XKR6: variants seen among roughly 807,000 people sequenced by gnomAD.
XKR6 encodes XK-related protein 6.
In XKR6, 22 loss-of-function variants were observed where a neutral mutation model predicts 56.7. The ratio of observed to expected loss-of-function variants is 0.39; its 90% CI spans 0.28 to 0.55. XKR6 has a LOEUF of 0.55. Among genes scored for constraint, XKR6 ranks in the 20% least tolerant of loss-of-function variants. The probability of loss-of-function intolerance (pLI) is 0.66; values close to 1 mark genes in which losing one functional copy is unlikely to be tolerated. For missense variants in XKR6, 852 were observed against 889.0 expected (o/e 0.96, Z 0.53); for synonymous variants, 524 against 387.8 (o/e 1.35, Z -4.13).
chr8:11,045,993 G>A (rs534196091), intron 1 of XKR6, among the ~76,000 whole-genome samples: 3 of 152,352 alleles, frequency 2.0e-5, no homozygotes, highest in African/African-American at 7.2e-5. Context: ...TTGAGAGAAT[G>A]TAAAGTGGTG....
chr8:11,103,774 A>T (rs1034909326), intron 1 of XKR6, among the ~76,000 whole-genome samples: 4 of 152,230 alleles, frequency 2.6e-5, no homozygotes, highest in Non-Finnish European at 5.9e-5. Context: ...CAAAACTGCA[A>T]ATCGACACAA....
chr8:10,918,313 C>T (rs1245143457), intron 2 of XKR6, among the ~76,000 whole-genome samples: 2 of 152,204 alleles, frequency 1.3e-5, no homozygotes, highest in East Asian at 3.9e-4. Flanking sequence ...ACCTAAGAGG[C>T]TCTGGAAGAC....
intron 1 of XKR6, among the ~76,000 whole-genome samples, chr8:11,097,112 C>G (rs1207804703): frequency 2.0e-5 from 3 of 152,190 alleles, no homozygotes; most frequent in Non-Finnish European, 4.4e-5. Flanking sequence ...AGTTTGTCAT[C>G]AGCAACAGGA....
At chr8:11,190,064 G>T (rs1276853476) in intron 1 of XKR6, among the ~76,000 whole-genome samples, 1 of 152,064 alleles carries the variant, frequency 6.6e-6, no homozygotes, top group Admixed American at 6.5e-5. Flanking sequence ...GGCTGAGGCA[G>T]AAGAATCACT....
At chr8:11,176,234 C>A (rs1366318786) in intron 1 of XKR6, among the ~76,000 whole-genome samples, 1 of 152,178 alleles carries the variant, frequency 6.6e-6, no homozygotes. Flanking sequence ...AATTGGCCAA[C>A]ATATGCATAA....
chr8:11,000,443 T>C (rs868329926), intron 1 of XKR6, among the ~76,000 whole-genome samples: 14 of 152,264 alleles, frequency 9.2e-5, no homozygotes, highest in African/African-American at 2.6e-4. Context: ...CCAAGCTCTT[T>C]GGGAAACTGA....
chr8:11,198,531 C>A (rs937952798), intron 1 of XKR6, among the ~76,000 whole-genome samples: 1 of 150,770 alleles, frequency 6.6e-6, no homozygotes, highest in African/African-American at 2.4e-5. Flanking sequence ...AAAAAAAATA[C>A]TACCCTACAT....
chr8:11,152,087 C>T (rs1050531200), intron 1 of XKR6, among the ~76,000 whole-genome samples: 2 of 152,134 alleles, frequency 1.3e-5, no homozygotes, highest in South Asian at 2.1e-4. Context: ...TTAAGGTACA[C>T]AGGATTTTGC....
intron 1 of XKR6, among the ~76,000 whole-genome samples, chr8:11,072,610 C>T (rs911938144): frequency 5.9e-5 from 9 of 152,204 alleles, no homozygotes; most frequent in African/African-American, 2.2e-4. Context: ...GAACTCCATG[C>T]CCCTGGGACT....
At chr8:10,918,230 G>T (rs977828163) in intron 2 of XKR6, among the ~76,000 whole-genome samples, 7 of 152,184 alleles carry the variant, frequency 4.6e-5, no homozygotes, top group African/African-American at 1.7e-4. Context: ...CCATCCCCTT[G>T]CCTCCTGGCC....
At chr8:11,035,623 A>G (rs1384648249) in intron 1 of XKR6, among the ~76,000 whole-genome samples, 1 of 152,212 alleles carries the variant, frequency 6.6e-6, no homozygotes, top group African/African-American at 2.4e-5. Flanking sequence ...GAGACCTGAA[A>G]TATCCTGTTT....
At chr8:11,146,079 G>C (rs1337941400) in intron 1 of XKR6, among the ~76,000 whole-genome samples, 1 of 152,040 alleles carries the variant, frequency 6.6e-6, no homozygotes, top group Non-Finnish European at 1.5e-5. Flanking sequence ...GGGCAATTCA[G>C]TAAAGAAAGA....
intron 1 of XKR6, among the ~76,000 whole-genome samples, chr8:11,060,619 C>T (rs1014417244): frequency 3.3e-5 from 5 of 152,216 alleles, no homozygotes; most frequent in Non-Finnish European, 5.9e-5. Flanking sequence ...GAGGAGGTTA[C>T]ACTTCCCGTA....
chr8:11,009,799 T>C (rs1052875805), intron 1 of XKR6, among the ~76,000 whole-genome samples: 14 of 152,212 alleles, frequency 9.2e-5, no homozygotes, highest in African/African-American at 3.4e-4. Context: ...TAATTAACAC[T>C]AATGTATCAA....
rs1437917540 is a variant in XKR6, at chr8:10,951,296, T to TGG, written c.765-26467_765-26466insCC. ...AGAGGGATAGAAAAGTGTGTGTGTG[T>TGG]GTGGGGGGGGGGGGCCCCCACAGTG... On this transcript the variant is annotated intron_variant, in intron 1 of 2. Coordinates refer to ENST00000416569, the MANE Select transcript of XKR6 (RefSeq NM_173683.4). Among the ~76,000 whole-genome samples, 30 of 90,042 alleles carry TGG rather than the reference T, an allele frequency of 3.3e-4. No homozygotes were observed. In the East Asian group the frequency reaches 4.5e-3, roughly 13 times the overall value. 59.1% of individuals were successfully genotyped at this position (90,042 alleles called of 152,430 possible). A position where few individuals can be genotyped will look rare whatever the true frequency, so the allele number is the denominator to read the frequency against.
intron 1 of XKR6, among the ~76,000 whole-genome samples, chr8:11,010,467 A>G (rs1374868553): frequency 1.3e-5 from 2 of 152,238 alleles, no homozygotes; most frequent in African/African-American, 4.8e-5. Context: ...AAATGAGACA[A>G]CAGTACCTGC....
intron 1 of XKR6, among the ~76,000 whole-genome samples, chr8:10,952,057 G>A (rs1411368591): frequency 6.6e-6 from 1 of 152,120 alleles, no homozygotes; most frequent in Non-Finnish European, 1.5e-5. Flanking sequence ...GCTATAAAGG[G>A]CACATGCAGC....
Position 11,201,425 on chromosome 8 carries a change from A to C in XKR6, c.-86T>G, listed in dbSNP as rs1585050996. The C allele has an allele frequency of 3.0e-6, 1 of 338,212 alleles. No individual in the cohort carries two copies. The highest frequency in any genetic ancestry group is 4.9e-6 in the Non-Finnish European group (1 of 205,192). The allele number at this position is 338,212 out of a possible 1,614,324, so 21.0% of individuals were successfully genotyped here. A position where few individuals can be genotyped will look rare whatever the true frequency, so the allele number is the denominator to read the frequency against. On this transcript the variant is annotated 5_prime_UTR_variant, in exon 1 of 3. Transcript: ENST00000416569. ...AGGCAGGGAACGGGGAGGGGGGGAA[A>C]CGAATGGAGAGGAAGGGGGGCGGGG...
At chr8:10,987,016 T>C (rs1166572052) in intron 1 of XKR6, among the ~76,000 whole-genome samples, 2 of 152,174 alleles carry the variant, frequency 1.3e-5, no homozygotes, top group Non-Finnish European at 2.9e-5. Context: ...TCTTGAACTC[T>C]TAGATTCAAG....
Sources: allele counts gnomAD v4.1 joint callset (sites outside exome capture counted in the v4.1 genomes callset), GRCh38; gene constraint gnomAD v4.1.1; transcripts MANE v1.5; gene names NCBI Gene and HGNC (gene_info 2026-07-23, HGNC 2026-07-21).